The following METAP1 variants were observed in gnomAD, a reference collection of about 807,000 sequenced individuals.
METAP1 encodes the protein methionyl aminopeptidase 1, also known as methionine aminopeptidase 1.
Under a neutral mutation model 53.8 loss-of-function variants are expected in METAP1, and 28 were observed. The observed-to-expected ratio is 0.52, with a 90% CI of 0.39 to 0.71. METAP1 has a LOEUF of 0.71. METAP1 is among the 30% of genes least tolerant of loss of function. METAP1 has a pLI of 0.00. For synonymous variants in METAP1, 181 were observed against 165.7 expected, an observed-to-expected ratio of 1.09 and a Z score of -0.71; for missense variants, 389 against 479.8, an observed-to-expected ratio of 0.81 and a Z score of 1.77.
intron 4 of METAP1, among the ~76,000 whole-genome samples, chr4:99,038,874 C>G (rs1725635867): frequency 6.6e-6 from 1 of 152,088 alleles, no homozygotes; most frequent in African/African-American, 2.4e-5. Flanking sequence ...TTAATATTTT[C>G]TGTCCCATTT....
At chr4:98,998,901 C>T (rs1722783053) in intron 1 of METAP1, among the ~76,000 whole-genome samples, 1 of 151,868 alleles carries the variant, frequency 6.6e-6, no homozygotes, top group African/African-American at 2.4e-5. Flanking sequence ...ACCTCCGCCT[C>T]CCAGGTTCAA....
chr4:98,996,025 C>G (rs1722602874), intron 1 of METAP1, among the ~76,000 whole-genome samples, 158 bp downstream of exon 1: 1 of 152,216 alleles, frequency 6.6e-6, no homozygotes, highest in African/African-American at 2.4e-5. Flanking sequence ...CCACCGCCCC[C>G]TCCTGCCTCC....
chr4:99,029,945 G>C (rs755183564), intron 2 of METAP1, among the ~76,000 whole-genome samples: 6 of 152,082 alleles, frequency 3.9e-5, no homozygotes, highest in Non-Finnish European at 8.8e-5. Flanking sequence ...TAGAGATGAG[G>C]AAAAATGATG....
chr4:99,023,944 C>T (rs929632156), intron 1 of METAP1: 11 of 274,920 alleles, frequency 4.0e-5, no homozygotes, highest in Non-Finnish European at 5.5e-5. Context: ...TCTCCTCGAG[C>T]GTTTGGGTAA....
At chr4:99,012,057 C>A (rs1199153802) in intron 1 of METAP1, among the ~76,000 whole-genome samples, 2 of 152,098 alleles carry the variant, frequency 1.3e-5, no homozygotes, top group African/African-American at 4.8e-5. Context: ...TGGCCACTTT[C>A]TTTTCATTGT....
In METAP1 at chr4:99,043,380, T is replaced by C; in HGVS notation, c.648T>C (p.Ile216=). ...PDRRPLQEGD[I]VNVDITLYRN... ...GAAGGCCCTTACAAGAAGGTGACAT[T>C]GTTAATGGTAAGAAAAATATGTTAC... Residue 216 remains isoleucine, a synonymous_variant, in exon 7 of 11, where the codon ATT becomes ATC. Coordinates refer to ENST00000296411, the MANE Select transcript of METAP1 (RefSeq NM_015143.3). The C allele has an allele frequency of 1.3e-6, 2 of 1,593,186 alleles. No homozygotes were observed. The highest frequency in any genetic ancestry group is 1.7e-6 in the Non-Finnish European group (2 of 1,169,336).
chr4:99,037,398 T>C (rs1725509688), intron 4 of METAP1, among the ~76,000 whole-genome samples: 1 of 151,928 alleles, frequency 6.6e-6, no homozygotes, highest in South Asian at 2.1e-4. Flanking sequence ...TAAAAAAATA[T>C]TCCTATGTTT....
chr4:99,034,307 C>T lies in METAP1; in HGVS notation c.244C>T (p.Arg82Ter), dbSNP rs1475338225. The change falls in exon 3 of 11, where the codon CGA becomes TGA. Residue 82 changes from arginine (R) to a stop codon, truncating the protein, a stop_gained. Transcript: ENST00000296411. LOFTEE classifies it high-confidence loss of function. ...DINTDPWAGY[R>*]YTGKLRPHYP... ...TAATACTGACCCATGGGCAGGTTAT[C>T]GATATACTGGTAAACTCAGACCACA... 1.3e-6 allele frequency: 2 copies of T among 1,547,710 alleles called. No homozygotes were observed. Among genetic ancestry groups the T allele is most frequent in the Non-Finnish European group, 1.7e-6 (2 of 1,143,590 alleles).
Position 98,995,885 on chromosome 4 carries a change from C to A in METAP1, c.114+18C>A. ...GCTCGCAGGTAGGCGCCCGCTGCCC[C>A]GCGGATATGCCGCCGCTGCGGGACC... On this transcript the variant is annotated intron_variant, in intron 1 of 10. Coordinates refer to ENST00000296411, the MANE Select transcript of METAP1 (RefSeq NM_015143.3). 1 of 1,521,366 alleles carries A rather than the reference C, an allele frequency of 6.6e-7. No homozygotes were observed. The highest frequency in any genetic ancestry group is 8.9e-7 in the Non-Finnish European group (1 of 1,125,452). 94.2% of individuals were successfully genotyped at this position (1,521,366 alleles called of 1,614,324 possible).
rs543978586 is a variant in METAP1, at chr4:99,021,283, C to T, written c.115-7584C>T. ...GGACCACCAAAGAAGTACTTTGCCACCCTCTAGCAGTTTTTCCTACCTTGG... is the reference window on the plus strand; with the variant it reads ...GGACCACCAAAGAAGTACTTTGCCATCCTCTAGCAGTTTTTCCTACCTTGG... On this transcript the variant is annotated intron_variant, in intron 1 of 10. Coordinates refer to ENST00000296411, the MANE Select transcript of METAP1 (RefSeq NM_015143.3). Among the ~76,000 whole-genome samples the T allele has an allele frequency of 5.3e-5, 8 of 152,336 alleles. No homozygotes were observed. The East Asian group carries it at 1.5e-3, about 29-fold the overall frequency.
At chr4:99,030,430 G>A (rs1045437898) in intron 2 of METAP1, among the ~76,000 whole-genome samples, 1 of 152,134 alleles carries the variant, frequency 6.6e-6, no homozygotes, top group Non-Finnish European at 1.5e-5. Context: ...CCATCTTGTA[G>A]CTATTGCTCT....
Position 99,043,357 on chromosome 4 carries a change from A to G in METAP1, c.625A>G (p.Arg209Gly). The change falls in exon 7 of 11, where the codon AGG becomes GGG. Residue 209 changes from arginine to glycine, a missense_variant. Transcript: ENST00000296411. Reference sequence around the variant, plus strand: ...CATTTGCCATGGAATACCAGACAGAAGGCCCTTACAAGAAGGTGACATTGT... The same window carrying G: ...CATTTGCCATGGAATACCAGACAGAGGGCCCTTACAAGAAGGTGACATTGT... ...EVICHGIPDR[R>G]PLQEGDIVNV... is the part of the protein sequence containing the mutation. 6.2e-7 allele frequency: 1 copy of G among 1,603,416 alleles called. No homozygotes were observed. Among genetic ancestry groups the G allele is most frequent in the Non-Finnish European group, 8.5e-7 (1 of 1,174,526 alleles).
chr4:99,022,142 T>C (rs1048218507), intron 1 of METAP1, among the ~76,000 whole-genome samples: 2 of 152,140 alleles, frequency 1.3e-5, no homozygotes, highest in African/African-American at 4.8e-5. Flanking sequence ...ATATAGGAGT[T>C]TAGATGGGGG....
rs537951631 is a variant in METAP1, at chr4:99,028,934, A to G, written c.166+16A>G. ...AAGAAAGCAAGTAAGTACAATCACA[A>G]ATTTTTACACCATTTGTCTTAGAAG... On this transcript the variant is annotated intron_variant, in intron 2 of 10. Coordinates refer to ENST00000296411, the MANE Select transcript of METAP1 (RefSeq NM_015143.3). 2.6e-6 allele frequency: 4 copies of G among 1,513,394 alleles called. No homozygotes were observed. The highest frequency in any genetic ancestry group is 2.8e-5 in the African/African-American group (2 of 72,348). 93.7% of individuals were successfully genotyped at this position (1,513,394 alleles called of 1,614,324 possible).
chr4:99,032,302 A>G (rs913987507), intron 2 of METAP1, among the ~76,000 whole-genome samples: 2 of 151,340 alleles, frequency 1.3e-5, no homozygotes, highest in Non-Finnish European at 1.5e-5. Flanking sequence ...ATCATGGCTC[A>G]CTGCAGCCTT....
chr4:98,999,077 G>T (rs1410677145), intron 1 of METAP1, among the ~76,000 whole-genome samples: 1 of 152,154 alleles, frequency 6.6e-6, no homozygotes, highest in Non-Finnish European at 1.5e-5. Context: ...AAAGTGCTGG[G>T]ATTACAGGCG....
chr4:99,001,087 A>C (rs1356403486), intron 1 of METAP1, among the ~76,000 whole-genome samples: 5 of 152,144 alleles, frequency 3.3e-5, no homozygotes, highest in Non-Finnish European at 2.9e-5. Flanking sequence ...TTGAAATGCA[A>C]CCCTGCCCTC....
At chr4:99,023,293 A>G (rs1579271999) in intron 1 of METAP1, 1 of 526,732 alleles carries the variant, frequency 1.9e-6, no homozygotes, top group African/African-American at 2.0e-5. Context: ...TAAGTTGCAT[A>G]TGTTTTGCTC....
intron 1 of METAP1, among the ~76,000 whole-genome samples, chr4:99,016,507 G>A (rs1723776070): frequency 6.6e-6 from 1 of 152,150 alleles, no homozygotes; most frequent in African/African-American, 2.4e-5. Flanking sequence ...CCCATTATCT[G>A]AGTCAACATT....
Sources: allele counts gnomAD v4.1 joint callset (sites outside exome capture counted in the v4.1 genomes callset), GRCh38; gene constraint gnomAD v4.1.1; transcripts MANE v1.5; gene names NCBI Gene and HGNC (gene_info 2026-07-23, HGNC 2026-07-21).